Variants in SNCAIP observed in about 807,000 individuals in gnomAD.
SNCAIP encodes synuclein alpha interacting protein, also known as synphilin-1.
SNCAIP carries 43 observed loss-of-function variants against 86.7 expected under a neutral mutation model. The observed-to-expected ratio is 0.50, with a 90% confidence interval of 0.39 to 0.64. The LOEUF is 0.64. Ranked by LOEUF, SNCAIP falls within the 30% of genes least tolerant of loss-of-function variation. SNCAIP has a pLI of 0.00. For synonymous variants in SNCAIP, 417 were observed against 427.2 expected (o/e 0.98, Z 0.29); for missense variants, 981 against 1,103.1 (o/e 0.89, Z 1.57).
chr5:122,319,742 T>C (rs1752551686), intron 1 of SNCAIP, among the ~76,000 whole-genome samples: 1 of 152,190 alleles, frequency 6.6e-6, no homozygotes. Flanking sequence ...CATTGTTGAA[T>C]GTTTACTGTG....
intron 1 of SNCAIP, among the ~76,000 whole-genome samples, chr5:122,315,014 T>C (rs1386032985): frequency 6.6e-6 from 1 of 152,240 alleles, no homozygotes; most frequent in Non-Finnish European, 1.5e-5. Flanking sequence ...AAATAGTAAT[T>C]GAAAAGGAAT....
At chr5:122,447,524 C>G (rs563825595) in intron 8 of SNCAIP, among the ~76,000 whole-genome samples, 1 of 152,324 alleles carries the variant, frequency 6.6e-6, no homozygotes, top group East Asian at 1.9e-4. Flanking sequence ...TGTCATAATT[C>G]ACTTAAAGAC....
intron 10 of SNCAIP, chr5:122,453,118 T>TA: frequency 1.7e-6 from 1 of 594,166 alleles, no homozygotes; most frequent in Non-Finnish European, 3.0e-6. Flanking sequence ...AGAAGAAAAT[T>TA]ACAACTATTC....
At position 122,458,308 on chromosome 5, in the gene SNCAIP, T is replaced by C. The variant is rs184047541; in HGVS notation, c.2755-5183T>C. ...TTTGCTTTCAACAAGCCGCTCCTGA[T>C]TTAAGGATAGTCAGAAAACCTAAGG... is the stretch of plus-strand genomic sequence containing the variant. On this transcript the variant is annotated intron_variant, in intron 10 of 10. Coordinates refer to ENST00000261368, the MANE Select transcript of SNCAIP (RefSeq NM_005460.4). Among the ~76,000 whole-genome samples the C allele has an allele frequency of 5.9e-5, 9 of 152,290 alleles. No individual in the cohort carries two copies. In the East Asian group the frequency reaches 1.5e-3, roughly 26 times the overall value.
At chr5:122,401,366 C>T in intron 2 of SNCAIP, among the ~76,000 whole-genome samples, 1 of 152,178 alleles carries the variant, frequency 6.6e-6, no homozygotes, top group Non-Finnish European at 1.5e-5. Flanking sequence ...ACAATCTTCA[C>T]AACACTCCCT....
intron 8 of SNCAIP, chr5:122,444,958 C>T (rs1781958976): frequency 3.6e-6 from 2 of 561,446 alleles, no homozygotes. Context: ...GTACAGCAAG[C>T]TCCCAAAGCA....
intron 1 of SNCAIP, among the ~76,000 whole-genome samples, chr5:122,390,698 T>C (rs910676944): frequency 6.6e-6 from 1 of 152,186 alleles, no homozygotes; most frequent in African/African-American, 2.4e-5. Context: ...CATTTGAAAA[T>C]GGCTTTCCTA....
chr5:122,351,680 A>G (rs1252081569), intron 1 of SNCAIP, among the ~76,000 whole-genome samples: 1 of 152,108 alleles, frequency 6.6e-6, no homozygotes, highest in Non-Finnish European at 1.5e-5. Flanking sequence ...AAGCCTGAAC[A>G]AAGACAGTGG....
intron 1 of SNCAIP, among the ~76,000 whole-genome samples, chr5:122,383,298 G>A (rs149403710): frequency 0.026 from 3,981 of 152,282 alleles, 66 homozygotes; most frequent in Middle Eastern, 0.051. Flanking sequence ...GGAGTGACCC[G>A]ATTTTCCAGG....
intron 5 of SNCAIP, among the ~76,000 whole-genome samples, chr5:122,431,218 A>G (rs2152943860): frequency 6.6e-6 from 1 of 152,256 alleles, no homozygotes; most frequent in South Asian, 2.1e-4. Flanking sequence ...ATTAAGTCAA[A>G]TATACAGCTA....
intron 1 of SNCAIP, among the ~76,000 whole-genome samples, chr5:122,329,322 A>T (rs1052124963): frequency 1.3e-5 from 2 of 151,852 alleles, no homozygotes; most frequent in African/African-American, 4.8e-5. Flanking sequence ...AATCAGGATT[A>T]TTTCAGGAAA....
intron 3 of SNCAIP, among the ~76,000 whole-genome samples, chr5:122,416,746 A>G (rs946828712): frequency 2.6e-5 from 4 of 152,200 alleles, no homozygotes; most frequent in South Asian, 2.1e-4. Flanking sequence ...TTCACCTTAC[A>G]TAGGACTAAC....
chr5:122,426,005 C>G (rs1326612442), intron 5 of SNCAIP, among the ~76,000 whole-genome samples: 1 of 152,120 alleles, frequency 6.6e-6, no homozygotes, highest in African/African-American at 2.4e-5. Context: ...GTATCAGTGC[C>G]GAGTTTGAGT....
intron 3 of SNCAIP, among the ~76,000 whole-genome samples, chr5:122,414,873 A>G (rs560554543): frequency 3.3e-5 from 5 of 152,328 alleles, no homozygotes; most frequent in Admixed American, 2.0e-4. Context: ...GTAAGAATAC[A>G]TAAGAACTGC....
intron 1 of SNCAIP, among the ~76,000 whole-genome samples, chr5:122,329,558 T>G (rs922199573): frequency 2.0e-5 from 3 of 152,120 alleles, no homozygotes; most frequent in African/African-American, 7.2e-5. Flanking sequence ...AATGGACAGA[T>G]AGATAAATGA....
At chr5:122,392,994 G>C (rs1183030265) in intron 2 of SNCAIP, among the ~76,000 whole-genome samples, 2 of 152,100 alleles carry the variant, frequency 1.3e-5, no homozygotes, top group African/African-American at 4.8e-5. Context: ...TAATTTTGAT[G>C]AATTGGGAAT....
At chr5:122,346,004 A>G (rs1758558259) in intron 1 of SNCAIP, among the ~76,000 whole-genome samples, 1 of 152,130 alleles carries the variant, frequency 6.6e-6, no homozygotes, top group Middle Eastern at 3.2e-3. Context: ...AGTGAAGGTG[A>G]CAGGGAACAA....
At chr5:122,375,366 G>C (rs17149112) in intron 1 of SNCAIP, among the ~76,000 whole-genome samples, 19,365 of 151,642 alleles carry the variant, frequency 0.13, 1,317 homozygotes, top group South Asian at 0.24. Context: ...AGTTAGCTGG[G>C]TTAGCTCTTT....
chr5:122,344,056 T>C (rs1561546108), intron 1 of SNCAIP, among the ~76,000 whole-genome samples: 1 of 152,220 alleles, frequency 6.6e-6, no homozygotes, highest in Non-Finnish European at 1.5e-5. Flanking sequence ...ACCCTGTGAC[T>C]GTCTCTCTCA....
Sources: allele counts gnomAD v4.1 joint callset (sites outside exome capture counted in the v4.1 genomes callset), GRCh38; gene constraint gnomAD v4.1.1; transcripts MANE v1.5; gene names NCBI Gene and HGNC (gene_info 2026-07-23, HGNC 2026-07-21).